CNTNAP2: variants seen among roughly 807,000 people sequenced by gnomAD.
CNTNAP2 encodes the protein contactin associated protein 2, also known as contactin-associated protein-like 2.
In CNTNAP2, 98 loss-of-function variants were observed where a neutral mutation model predicts 155.2. The ratio of observed to expected loss-of-function variants is 0.63; its 90% CI spans 0.54 to 0.75. The LOEUF is 0.75. Ranked by LOEUF, CNTNAP2 falls within the 30% of genes least tolerant of loss-of-function variation. The pLI, the probability that CNTNAP2 is intolerant of heterozygous loss-of-function variation, is 0.00. For synonymous variants in CNTNAP2, 651 were observed against 631.2 expected (o/e 1.03, Z -0.47); for missense variants, 1,727 against 1,688.1 (o/e 1.02, Z -0.40).
intron 10 of CNTNAP2, among the ~76,000 whole-genome samples, chr7:147,407,322 G>A (rs1398368005): frequency 2.6e-5 from 4 of 151,692 alleles, no homozygotes; most frequent in Admixed American, 2.6e-4. Context: ...CAAAAAATTA[G>A]CCGGGCGTGG....
chr7:147,025,937 G>A (rs966330359), intron 3 of CNTNAP2, among the ~76,000 whole-genome samples: 2 of 151,434 alleles, frequency 1.3e-5, no homozygotes, highest in African/African-American at 4.9e-5. Flanking sequence ...TGGACTCACT[G>A]CAACCTCCGC....
At chr7:147,502,501 G>C (rs1283841445) in intron 11 of CNTNAP2, among the ~76,000 whole-genome samples, 1 of 152,036 alleles carries the variant, frequency 6.6e-6, no homozygotes, top group Non-Finnish European at 1.5e-5. Context: ...CTGAGGGTAG[G>C]GACAATGGAG....
chr7:146,655,941 A>G (rs1211312454), intron 1 of CNTNAP2, among the ~76,000 whole-genome samples: 1 of 152,206 alleles, frequency 6.6e-6, no homozygotes, highest in African/African-American at 2.4e-5. Context: ...AATAGGAAAA[A>G]AAAATGGGAT....
At chr7:147,331,761 TCTC>T (rs902935239) in intron 9 of CNTNAP2, among the ~76,000 whole-genome samples, 14 of 152,136 alleles carry the variant, frequency 9.2e-5, no homozygotes, top group African/African-American at 3.4e-4. Context: ...CTAGAAGTGT[TCTC>T]CTTTTGGCCA....
chr7:148,044,227 AT>A (rs1191467019), intron 15 of CNTNAP2, among the ~76,000 whole-genome samples: 6 of 131,206 alleles, frequency 4.6e-5, no homozygotes, highest in Admixed American at 7.8e-5. Context: ...TTTTTTTCTA[AT>A]TTAGTCTCGG....
At chr7:146,773,688 C>T (rs1341843252) in intron 1 of CNTNAP2, among the ~76,000 whole-genome samples, 1 of 152,210 alleles carries the variant, frequency 6.6e-6, no homozygotes, top group Non-Finnish European at 1.5e-5. Context: ...GTCACCACTC[C>T]CAGCCTCTTT....
intron 3 of CNTNAP2, among the ~76,000 whole-genome samples, chr7:147,005,218 G>C (rs868831338): frequency 6.6e-6 from 1 of 151,894 alleles, no homozygotes; most frequent in Admixed American, 6.6e-5. Flanking sequence ...TTCTATCCAC[G>C]GGAATAGGAA....
chr7:148,295,706 T>C (rs971340291), intron 21 of CNTNAP2, among the ~76,000 whole-genome samples: 4 of 151,578 alleles, frequency 2.6e-5, no homozygotes, highest in African/African-American at 7.3e-5. Flanking sequence ...TTAGCCAGGA[T>C]GGTCTCCATC....
At chr7:147,307,395 T>C (rs1486605753) in intron 9 of CNTNAP2, among the ~76,000 whole-genome samples, 1 of 151,772 alleles carries the variant, frequency 6.6e-6, no homozygotes, top group Non-Finnish European at 1.5e-5. Flanking sequence ...CTGGCCAATA[T>C]GATGAAACCC....
At chr7:147,532,147 C>T (rs1159845213) in intron 11 of CNTNAP2, among the ~76,000 whole-genome samples, 1 of 152,084 alleles carries the variant, frequency 6.6e-6, no homozygotes, top group East Asian at 1.9e-4. Flanking sequence ...TGCAAATTTT[C>T]CAAACCTTTA....
chr7:147,250,233 G>C (rs1804165868), intron 8 of CNTNAP2, among the ~76,000 whole-genome samples: 1 of 152,112 alleles, frequency 6.6e-6, no homozygotes. Flanking sequence ...TGGGAGAAGA[G>C]GGGGTGGTGG....
intron 3 of CNTNAP2, among the ~76,000 whole-genome samples, chr7:146,938,624 T>G (rs771495290): frequency 2.0e-5 from 3 of 152,040 alleles, no homozygotes; most frequent in Non-Finnish European, 2.9e-5. Context: ...AGATTCTGTT[T>G]AGGGTATTAT....
chr7:148,108,365 A>G (rs113266240), intron 15 of CNTNAP2, among the ~76,000 whole-genome samples: 7 of 65,558 alleles, frequency 1.1e-4, no homozygotes, highest in African/African-American at 1.1e-3. Context: ...CCAAAAAATT[A>G]AAAAAAAAAA....
At chr7:147,626,280 T>C (rs1037824896) in intron 12 of CNTNAP2, among the ~76,000 whole-genome samples, 4 of 152,000 alleles carry the variant, frequency 2.6e-5, no homozygotes, top group African/African-American at 9.7e-5. Context: ...GGGAAGTCTA[T>C]GTCCTCAGGC....
intron 1 of CNTNAP2, among the ~76,000 whole-genome samples, chr7:146,532,415 C>A (rs1289732689): frequency 6.6e-6 from 1 of 152,112 alleles, no homozygotes; most frequent in Non-Finnish European, 1.5e-5. Context: ...TATCCACAGA[C>A]TAGCTTCAGG....
chr7:147,979,294 TG>T (rs2116867121), intron 15 of CNTNAP2, among the ~76,000 whole-genome samples: 1 of 64,800 alleles, frequency 1.5e-5, no homozygotes, highest in South Asian at 5.1e-4. Flanking sequence ...TTAGTAAAAC[TG>T]TGCAGAAGAA....
chr7:146,238,818 T>C (rs770563539), intron 1 of CNTNAP2, among the ~76,000 whole-genome samples: 2 of 152,110 alleles, frequency 1.3e-5, no homozygotes, highest in Admixed American at 6.6e-5. Context: ...GGCACCTTCT[T>C]CACAAGGCGG....
At chr7:147,813,403 C>T (rs1798213564) in intron 13 of CNTNAP2, among the ~76,000 whole-genome samples, 1 of 152,142 alleles carries the variant, frequency 6.6e-6, no homozygotes, top group East Asian at 1.9e-4. Context: ...TCTCCAAACC[C>T]TCATGTGTAT....
intron 1 of CNTNAP2, among the ~76,000 whole-genome samples, chr7:146,765,719 G>A (rs1034451084): frequency 5.9e-5 from 9 of 152,218 alleles, no homozygotes; most frequent in African/African-American, 2.2e-4. Flanking sequence ...ACAAGACAGT[G>A]TGATAGAATA....
Sources: allele counts gnomAD v4.1 joint callset (sites outside exome capture counted in the v4.1 genomes callset), GRCh38; gene constraint gnomAD v4.1.1; transcripts MANE v1.5; gene names NCBI Gene and HGNC (gene_info 2026-07-23, HGNC 2026-07-21).